The following PLD1 variants were observed in gnomAD, a reference collection of about 807,000 sequenced individuals.
The protein encoded by PLD1 is phospholipase D1.
PLD1 carries 112 observed loss-of-function variants against 137.1 expected under a neutral mutation model. The ratio of observed to expected loss-of-function variants is 0.82; its 90% CI spans 0.70 to 0.96. The LOEUF (loss-of-function observed/expected upper bound fraction) is 0.96, where lower values mean the gene tolerates loss of function less well. Among genes scored for constraint, PLD1 ranks in the 40% least tolerant of loss-of-function variants. The pLI is 0.00. For missense variants in PLD1, 1,321 were observed against 1,342.0 expected (o/e 0.98, Z 0.24); for synonymous variants, 431 against 454.7 (o/e 0.95, Z 0.66).
At chr3:171,808,928 G>A (rs1487550311) in intron 1 of PLD1, among the ~76,000 whole-genome samples, 1 of 145,904 alleles carries the variant, frequency 6.9e-6, no homozygotes, top group Non-Finnish European at 1.5e-5. Flanking sequence ...GGGTTCAAGC[G>A]ATTCTCCTGC....
chr3:171,615,310 T>G (rs1733009532), intron 24 of PLD1, among the ~76,000 whole-genome samples: 1 of 152,222 alleles, frequency 6.6e-6, no homozygotes, highest in Non-Finnish European at 1.5e-5. Flanking sequence ...TCTATAAGCA[T>G]CCTTCTTGTT....
chr3:171,640,013 C>T (rs937857991), intron 23 of PLD1, among the ~76,000 whole-genome samples: 2 of 151,292 alleles, frequency 1.3e-5, no homozygotes, highest in African/African-American at 4.9e-5. Flanking sequence ...GTAGTAATGT[C>T]CCCTCTTAGT....
intron 21 of PLD1, among the ~76,000 whole-genome samples, chr3:171,649,552 A>C (rs766353670): frequency 6.6e-6 from 1 of 152,186 alleles, no homozygotes; most frequent in Admixed American, 6.5e-5. Context: ...TCCTCACAAC[A>C]TGGGGGTTGT....
intron 19 of PLD1, among the ~76,000 whole-genome samples, chr3:171,671,325 C>T (rs185934388): frequency 2.0e-5 from 3 of 152,268 alleles, no homozygotes; most frequent in Admixed American, 6.5e-5. Flanking sequence ...TCAATTAGTG[C>T]CCTGGCCCAT....
chr3:171,697,829 G>A (rs1211154401), intron 12 of PLD1, among the ~76,000 whole-genome samples: 1 of 152,138 alleles, frequency 6.6e-6, no homozygotes, highest in Non-Finnish European at 1.5e-5. Context: ...CATTGTTTCT[G>A]CATGCAACTG....
At chr3:171,738,561 G>A (rs886762779) in intron 1 of PLD1, among the ~76,000 whole-genome samples, 2 of 152,040 alleles carry the variant, frequency 1.3e-5, no homozygotes, top group African/African-American at 4.8e-5. Context: ...TTTTATGATA[G>A]CATAATATTT....
chr3:171,643,421 T>A (rs1338160691), intron 22 of PLD1, among the ~76,000 whole-genome samples: 1 of 152,132 alleles, frequency 6.6e-6, no homozygotes, highest in African/African-American at 2.4e-5. Context: ...TAATCACTGA[T>A]GAATTATAAA....
chr3:171,630,152 C>G (rs1289467237), intron 23 of PLD1, among the ~76,000 whole-genome samples: 1 of 148,704 alleles, frequency 6.7e-6, no homozygotes, highest in East Asian at 2.0e-4. Context: ...ACAATGAACT[C>G]AAACAAATTT....
chr3:171,706,145 T>A (rs1047249501), intron 11 of PLD1, among the ~76,000 whole-genome samples: 1 of 151,900 alleles, frequency 6.6e-6, no homozygotes, highest in South Asian at 2.1e-4. Flanking sequence ...TATCTATCTA[T>A]CTATCTATCT....
chr3:171,739,708 C>T (rs1719634274), intron 1 of PLD1, among the ~76,000 whole-genome samples: 1 of 152,114 alleles, frequency 6.6e-6, no homozygotes, highest in African/African-American at 2.4e-5. Flanking sequence ...TTTGCCATCC[C>T]CTCTTTATAG....
In PLD1 at chr3:171,729,368, G is replaced by C. The variant is rs186492417; in HGVS notation, c.607-3292C>G. ...GGATACTAAAAACGTTAGAGAAACA[G>C]AGAAGCAAAAATATTTCCATGCCAA... On this transcript the variant is annotated intron_variant, in intron 6 of 26. Coordinates refer to ENST00000351298, the MANE Select transcript of PLD1 (RefSeq NM_002662.5). Among the ~76,000 whole-genome samples the C allele has an allele frequency of 1.4e-4, 21 of 152,290 alleles. No individual in the cohort carries two copies. In the East Asian group the frequency reaches 4.0e-3, roughly 29 times the overall value.
chr3:171,632,450 T>C lies in PLD1; in HGVS notation c.2593+10390A>G, dbSNP rs149661883. 5.9e-3 allele frequency among the ~76,000 whole-genome samples: 891 copies of C among 152,302 alleles called. 5 individuals carry two copies. The highest frequency in any genetic ancestry group is 0.021 in the African/African-American group (855 of 41,564). Reference sequence around the variant, plus strand: ...TCAATAAGGTCTATAAACTGGATAATAGTATTATATCAATGTTCATTTATT... The same window carrying C: ...TCAATAAGGTCTATAAACTGGATAACAGTATTATATCAATGTTCATTTATT... On this transcript the variant is annotated intron_variant, in intron 23 of 26. Transcript: ENST00000351298.
intron 12 of PLD1, among the ~76,000 whole-genome samples, chr3:171,694,483 T>C (rs1277407811): frequency 6.6e-6 from 1 of 152,088 alleles, no homozygotes; most frequent in Non-Finnish European, 1.5e-5. Context: ...AATATTATTT[T>C]ATTTTTCTCC....
At chr3:171,737,814 C>A in intron 2 of PLD1, 78 bp downstream of exon 2, 1 of 1,473,308 alleles carries the variant, frequency 6.8e-7, no homozygotes, top group Non-Finnish European at 9.2e-7. Context: ...CAATCATTTG[C>A]TGGTTACTTC....
chr3:171,609,678 A>G (rs886930513), intron 25 of PLD1, among the ~76,000 whole-genome samples: 1 of 152,174 alleles, frequency 6.6e-6, no homozygotes, highest in East Asian at 1.9e-4. Context: ...GTTCTCACTT[A>G]TAAGTGGGAG....
chr3:171,641,361 G>A (rs1735725457), intron 23 of PLD1, among the ~76,000 whole-genome samples: 1 of 152,014 alleles, frequency 6.6e-6, no homozygotes, highest in African/African-American at 2.4e-5. Flanking sequence ...CTTTTATGTA[G>A]GACTATATTT....
At chr3:171,724,111 A>T (rs1718335422) in intron 8 of PLD1, among the ~76,000 whole-genome samples, 1 of 152,228 alleles carries the variant, frequency 6.6e-6, no homozygotes, top group Non-Finnish European at 1.5e-5. Context: ...GCTATAGAAA[A>T]GTTCTATTGT....
chr3:171,699,972 C>A, intron 11 of PLD1, 146 bp from the exon 12 acceptor site: 1 of 655,772 alleles, frequency 1.5e-6, no homozygotes, highest in Non-Finnish European at 2.7e-6. Context: ...TACTATGAGT[C>A]TAGGAACAAC....
rs1418076137 is a variant in PLD1, at chr3:171,738,032, G to C, written c.20C>G (p.Pro7Arg). The C allele has an allele frequency of 1.2e-6, 2 of 1,612,938 alleles. No individual in the cohort carries two copies. The highest frequency in any genetic ancestry group is 1.7e-6 in the Non-Finnish European group (2 of 1,179,590). Residue 7 changes from proline (P) to arginine (R), a missense_variant, in exon 2 of 27, where the codon CCA becomes CGA. Transcript: ENST00000351298. Reference protein sequence around the residue: MSLKNEPRVNTSALQKI... With the variant: MSLKNERRVNTSALQKI... Reference sequence around the variant, plus strand: ...CTGCAGTGCAGAGGTATTTACCCGTGGCTCGTTTTTCAGTGACATGTTAAC... The same window carrying C: ...CTGCAGTGCAGAGGTATTTACCCGTCGCTCGTTTTTCAGTGACATGTTAAC...
Sources: allele counts gnomAD v4.1 joint callset (sites outside exome capture counted in the v4.1 genomes callset), GRCh38; gene constraint gnomAD v4.1.1; transcripts MANE v1.5; gene names NCBI Gene and HGNC (gene_info 2026-07-23, HGNC 2026-07-21).